Variants in IL1RAPL1 observed in about 807,000 individuals in gnomAD.
The protein encoded by IL1RAPL1 is interleukin-1 receptor accessory protein-like 1.
IL1RAPL1 carries 3 observed loss-of-function variants against 48.4 expected under a neutral mutation model. The observed-to-expected ratio is 0.06, with a 90% CI of 0.03 to 0.16. IL1RAPL1 has a LOEUF of 0.16. Ranked by LOEUF, IL1RAPL1 falls within the 10% of genes least tolerant of loss-of-function variation. The probability of loss-of-function intolerance (pLI) is 1.00; values close to 1 mark genes in which losing one functional copy is unlikely to be tolerated. For synonymous variants in IL1RAPL1, 185 were observed against 187.7 expected, an observed-to-expected ratio of 0.99 and a Z score of 0.12; for missense variants, 349 against 530.6, an observed-to-expected ratio of 0.66 and a Z score of 3.36.
At chrX:28,938,843 C>G (rs890572648) in intron 2 of IL1RAPL1, among the ~76,000 whole-genome samples, 1 of 109,339 alleles carries the variant, frequency 9.1e-6, no homozygotes, top group Admixed American at 9.8e-5. Flanking sequence ...AAAAACAGTC[C>G]CATTAAAAAG....
chrX:29,357,694 G>A (rs1407262613), intron 3 of IL1RAPL1, among the ~76,000 whole-genome samples: 1 of 111,887 alleles, frequency 8.9e-6, no homozygotes, highest in Non-Finnish European at 1.9e-5. Context: ...TTTGTAGAGG[G>A]GAAAGACACG....
chrX:29,012,630 C>A (rs1926150947), intron 2 of IL1RAPL1, among the ~76,000 whole-genome samples: 2 of 111,353 alleles, frequency 1.8e-5, no homozygotes, highest in Admixed American at 9.5e-5. Context: ...GGGACAATAC[C>A]CCAAAGAAAT....
intron 2 of IL1RAPL1, among the ~76,000 whole-genome samples, chrX:28,827,241 A>G (rs998006177): frequency 6.3e-5 from 7 of 111,029 alleles, no homozygotes; most frequent in African/African-American, 2.3e-4. Flanking sequence ...TTAAATTCCT[A>G]AACATTTATA....
At chrX:28,800,541 A>T (rs186073800) in intron 2 of IL1RAPL1, among the ~76,000 whole-genome samples, 1 of 111,755 alleles carries the variant, frequency 8.9e-6, no homozygotes, top group African/African-American at 3.2e-5. Context: ...AGCCCTGAAG[A>T]GGCTGGCAGA....
At chrX:29,491,284 T>G (rs1430900843) in intron 5 of IL1RAPL1, among the ~76,000 whole-genome samples, 2 of 112,227 alleles carry the variant, frequency 1.8e-5, no homozygotes, top group East Asian at 5.6e-4. Flanking sequence ...CTGCCAAAGG[T>G]GAATTAATTG....
At chrX:28,752,275 G>A (rs764557518) in intron 1 of IL1RAPL1, among the ~76,000 whole-genome samples, 3 of 111,318 alleles carry the variant, frequency 2.7e-5, no homozygotes, top group African/African-American at 9.8e-5. Flanking sequence ...TTCTTCCCCA[G>A]CTTCTCCTCT....
At chrX:29,199,443 A>G (rs952038152) in intron 2 of IL1RAPL1, among the ~76,000 whole-genome samples, 18 of 111,708 alleles carry the variant, frequency 1.6e-4, no homozygotes, top group Non-Finnish European at 2.3e-4. Flanking sequence ...AATAAAGTAT[A>G]CTGTAGATGA....
chrX:28,764,806 C>T (rs773294036), intron 1 of IL1RAPL1, among the ~76,000 whole-genome samples: 1 of 109,133 alleles, frequency 9.2e-6, no homozygotes, highest in African/African-American at 3.4e-5. Flanking sequence ...AATATAAACA[C>T]ACATGCACGC....
intron 2 of IL1RAPL1, among the ~76,000 whole-genome samples, chrX:28,992,274 G>GA (rs1451888989): frequency 1.8e-5 from 2 of 110,910 alleles, no homozygotes; most frequent in Non-Finnish European, 3.8e-5. Flanking sequence ...TGGATTACCT[G>GA]AAGTCAGGAG....
Position 29,752,835 on chromosome X carries a change from C to A in IL1RAPL1, c.778+84331C>A, listed in dbSNP as rs1928523574. Among the ~76,000 whole-genome samples the A allele has an allele frequency of 2.7e-5, 3 of 111,639 alleles. No homozygotes were observed. In the South Asian group the frequency reaches 1.1e-3, roughly 42 times the overall value. On this transcript the variant is annotated intron_variant, in intron 6 of 10. Transcript: ENST00000378993. ...AAAGTGAGTCATTTATTCTTTTATC[C>A]TATGTAAGTAAAAGAACTGAAAATC...
At chrX:28,602,104 C>CAA (rs1168499677) in intron 1 of IL1RAPL1, among the ~76,000 whole-genome samples, 4,638 of 38,110 alleles carry the variant, frequency 0.12, 188 homozygotes, top group Non-Finnish European at 0.14. Flanking sequence ...GACTCCATCT[C>CAA]AAAAAAAAAA....
Position 29,751,923 on chromosome X carries a change from C to A in IL1RAPL1, c.778+83419C>A, listed in dbSNP as rs180898154. ...CTCCAGCCTGGACAACAGAGTGAGA[C>A]CTTGTCTCTCAAAAAAACATGAAAA... On this transcript the variant is annotated intron_variant, in intron 6 of 10. Coordinates refer to ENST00000378993, the MANE Select transcript of IL1RAPL1 (RefSeq NM_014271.4). Among the ~76,000 whole-genome samples, 599 of 106,025 alleles carry A rather than the reference C, an allele frequency of 5.6e-3. 3 individuals are homozygous for A. Among genetic ancestry groups the A allele is most frequent in the Middle Eastern group, 9.8e-3 (2 of 204 alleles). 92.1% of individuals were successfully genotyped at this position (106,025 alleles called of 115,157 possible).
chrX:29,072,965 C>T (rs1040528042), intron 2 of IL1RAPL1, among the ~76,000 whole-genome samples: 1 of 111,921 alleles, frequency 8.9e-6, no homozygotes, highest in Admixed American at 9.5e-5. Context: ...ATAAGCTCTG[C>T]GTTTTCACAC....
chrX:28,939,602 G>A (rs1924113794), intron 2 of IL1RAPL1, among the ~76,000 whole-genome samples: 1 of 110,697 alleles, frequency 9.0e-6, no homozygotes, highest in African/African-American at 3.3e-5. Flanking sequence ...CCTGGGCCAT[G>A]AAATAATCTG....
chrX:28,652,044 A>G (rs1437922083), intron 1 of IL1RAPL1, among the ~76,000 whole-genome samples: 1 of 111,828 alleles, frequency 8.9e-6, no homozygotes, highest in African/African-American at 3.2e-5. Context: ...TCTGACCAAA[A>G]GTATATTTAG....
intron 2 of IL1RAPL1, among the ~76,000 whole-genome samples, chrX:28,845,260 A>G (rs1481314396): frequency 9.0e-6 from 1 of 111,600 alleles, no homozygotes; most frequent in Non-Finnish European, 1.9e-5. Flanking sequence ...CAAAATATAT[A>G]TAGTCCAAGA....
rs1255187186 is a variant in IL1RAPL1 at position 29,429,223 on chromosome X, G to GC, written c.703+29916dup. On this transcript the variant is annotated intron_variant, in intron 5 of 10. Coordinates refer to ENST00000378993, the MANE Select transcript of IL1RAPL1 (RefSeq NM_014271.4). ...GATTCTGATTCAGAGTGATGCCAGT[G>GC]CTGCTCCCTGTCCCCATACTACAGA... 5.4e-5 allele frequency among the ~76,000 whole-genome samples: 6 copies of GC among 111,993 alleles called. No homozygotes were observed. In the Admixed American group the frequency reaches 5.7e-4, roughly 11 times the overall value.
intron 6 of IL1RAPL1, among the ~76,000 whole-genome samples, chrX:29,913,397 C>A (rs1397170974): frequency 9.1e-6 from 1 of 109,974 alleles, no homozygotes; most frequent in Admixed American, 9.8e-5. Context: ...CAGTGATACA[C>A]ACACACACAT....
chrX:28,976,277 T>C (rs1925206180), intron 2 of IL1RAPL1, among the ~76,000 whole-genome samples: 1 of 111,890 alleles, frequency 8.9e-6, no homozygotes, highest in Non-Finnish European at 1.9e-5. Flanking sequence ...ATGAATCCAT[T>C]GAAATAGTTC....
Sources: allele counts gnomAD v4.1 joint callset (sites outside exome capture counted in the v4.1 genomes callset), GRCh38; gene constraint gnomAD v4.1.1; transcripts MANE v1.5; gene names NCBI Gene and HGNC (gene_info 2026-07-23, HGNC 2026-07-21).